MAPRE2: variants seen among roughly 807,000 people sequenced by gnomAD.
The protein encoded by MAPRE2 is microtubule-associated protein RP/EB family member 2.
A neutral mutation model predicts 43.2 loss-of-function variants in MAPRE2; 13 were observed. That is an observed-to-expected ratio of 0.30 (90% CI 0.20 to 0.48). The LOEUF (loss-of-function observed/expected upper bound fraction) is 0.48. Among genes scored for constraint, MAPRE2 ranks in the 20% least tolerant of loss-of-function variants. The probability of loss-of-function intolerance (pLI) is 0.99; values close to 1 mark genes in which losing one functional copy is unlikely to be tolerated. For missense variants in MAPRE2, 161 were observed against 400.2 expected, an observed-to-expected ratio of 0.40 and a Z score of 5.10; for synonymous variants, 135 against 148.8, an observed-to-expected ratio of 0.91 and a Z score of 0.68.
At chr18:35,120,439 C>T (rs928096269) in intron 4 of MAPRE2, among the ~76,000 whole-genome samples, 8 of 152,204 alleles carry the variant, frequency 5.3e-5, no homozygotes, top group Non-Finnish European at 7.3e-5. Flanking sequence ...CATCCCAGAA[C>T]CCTGTTAAAG....
intron 1 of MAPRE2, among the ~76,000 whole-genome samples, chr18:34,977,926 C>A (rs1019425938): frequency 2.6e-5 from 4 of 152,162 alleles, no homozygotes; most frequent in Non-Finnish European, 5.9e-5. Flanking sequence ...CTCGATAAAG[C>A]TGATTTTCAG....
At chr18:35,023,453 A>C (rs1375709484) in intron 2 of MAPRE2, among the ~76,000 whole-genome samples, 1 of 151,860 alleles carries the variant, frequency 6.6e-6, no homozygotes, top group African/African-American at 2.4e-5. Context: ...CAGAGCTTGC[A>C]GTGAGCAGAG....
At chr18:35,012,548 A>G (rs1055064471) in intron 2 of MAPRE2, among the ~76,000 whole-genome samples, 5 of 152,234 alleles carry the variant, frequency 3.3e-5, no homozygotes, top group African/African-American at 1.2e-4. Flanking sequence ...TATACATACA[A>G]TGGAATATTG....
intron 2 of MAPRE2, among the ~76,000 whole-genome samples, chr18:35,022,810 G>T (rs528652084): frequency 6.6e-6 from 1 of 152,178 alleles, no homozygotes; most frequent in Admixed American, 6.5e-5. Flanking sequence ...AGGAAAGGCT[G>T]CAAGAAAACA....
At chr18:35,025,225 T>G (rs1025671920) in intron 2 of MAPRE2, among the ~76,000 whole-genome samples, 1 of 152,224 alleles carries the variant, frequency 6.6e-6, no homozygotes, top group Non-Finnish European at 1.5e-5. Flanking sequence ...ACTTGTGGAA[T>G]GATTTACTTT....
chr18:35,024,125 T>C (rs548996618), intron 2 of MAPRE2, among the ~76,000 whole-genome samples: 30 of 152,256 alleles, frequency 2.0e-4, no homozygotes, highest in Non-Finnish European at 3.8e-4. Flanking sequence ...ATGCTGGCTC[T>C]ATCAGACACC....
At chr18:35,100,748 A>G (rs1336377493) in intron 3 of MAPRE2, among the ~76,000 whole-genome samples, 1 of 152,190 alleles carries the variant, frequency 6.6e-6, no homozygotes, top group East Asian at 1.9e-4. Flanking sequence ...AAGAAATTTA[A>G]AAAGTTTATC....
chr18:35,143,071 G>GAAAAAAAAGA lies in MAPRE2; in HGVS notation c.*2710_*2711insGAAAAAAAAA, dbSNP rs1910735031. ...ATATTTGTTCTAAGCAGAAAAGCAG[G>GAAAAAAAAGA]AAAAAAAAAAAAAAAAAAGAAAGAA... On this transcript the variant is annotated 3_prime_UTR_variant, in exon 7 of 7. Transcript: ENST00000300249. The GAAAAAAAAGA allele has an allele frequency of 7.9e-6, 1 of 126,518 alleles. No homozygotes were observed. The highest frequency in any genetic ancestry group is 1.6e-5 in the Non-Finnish European group (1 of 60,824). The allele number at this position is 126,518 out of a possible 1,614,324, so 7.8% of individuals were successfully genotyped here.
At chr18:35,128,019 C>T (rs780699758) in intron 5 of MAPRE2, among the ~76,000 whole-genome samples, 9 of 152,168 alleles carry the variant, frequency 5.9e-5, no homozygotes, top group Non-Finnish European at 1.0e-4. Flanking sequence ...TGTTCCCAGC[C>T]GCTCACTGGG....
Position 34,985,067 on chromosome 18 carries a change from A to T in MAPRE2, c.-70+7988A>T, listed in dbSNP as rs1190642186. ...ATAAAATATATTATATAATATATAA[A>T]ATAAAATATATTATAAAAATATATA... On this transcript the variant is annotated intron_variant, in intron 1 of 7. Transcript: ENST00000413393. Among the ~76,000 whole-genome samples, 402 of 89,080 alleles carry T rather than the reference A, an allele frequency of 4.5e-3. 3 individuals are homozygous for T. Among genetic ancestry groups the T allele is most frequent in the African/African-American group, 0.011 (240 of 20,944 alleles). The allele number at this position is 89,080 out of a possible 152,430, so 58.4% of individuals were successfully genotyped here. A position where few individuals can be genotyped will look rare whatever the true frequency, so the allele number is the denominator to read the frequency against.
At chr18:35,128,100 A>G (rs1008661876) in intron 5 of MAPRE2, among the ~76,000 whole-genome samples, 3 of 152,212 alleles carry the variant, frequency 2.0e-5, no homozygotes, top group African/African-American at 7.2e-5. Context: ...TGATAATTGT[A>G]TATTTGTAAT....
chr18:35,041,239 C>G, upstream of MAPRE2: 1 of 1,122,546 alleles, frequency 8.9e-7, no homozygotes, highest in Non-Finnish European at 1.2e-6. Context: ...CGGTGCCTGC[C>G]TGGAGCTGCT....
chr18:35,136,063 A>G (rs911800539), intron 6 of MAPRE2, among the ~76,000 whole-genome samples: 4 of 152,232 alleles, frequency 2.6e-5, no homozygotes, highest in Admixed American at 1.3e-4. Flanking sequence ...CCATCCCAGA[A>G]TATGGTGTTT....
intron 1 of MAPRE2, among the ~76,000 whole-genome samples, chr18:34,981,168 T>G (rs2097016002): frequency 6.8e-6 from 1 of 147,358 alleles, no homozygotes; most frequent in African/African-American, 2.5e-5. Flanking sequence ...AGGTCAGGAG[T>G]TCAAGACCAG....
chr18:34,986,225 G>T (rs985743301), intron 1 of MAPRE2, among the ~76,000 whole-genome samples: 1 of 152,106 alleles, frequency 6.6e-6, no homozygotes, highest in African/African-American at 2.4e-5. Context: ...TTAAAAGCTG[G>T]TAAAGGCTTT....
chr18:35,128,881 G>A (rs909987817), intron 5 of MAPRE2, among the ~76,000 whole-genome samples: 1 of 152,074 alleles, frequency 6.6e-6, no homozygotes, highest in Non-Finnish European at 1.5e-5. Context: ...CTTATAGCCT[G>A]AACCGCCCAG....
intron 2 of MAPRE2, among the ~76,000 whole-genome samples, chr18:35,071,082 T>C (rs1230461997): frequency 6.6e-6 from 1 of 152,230 alleles, no homozygotes; most frequent in Non-Finnish European, 1.5e-5. Flanking sequence ...AGGACAGGAC[T>C]GCGTTTTGTT....
intron 2 of MAPRE2, among the ~76,000 whole-genome samples, chr18:35,085,879 CAT>C (rs1457091029): frequency 1.3e-5 from 2 of 152,180 alleles, no homozygotes; most frequent in African/African-American, 4.8e-5. Flanking sequence ...CAAAGGCCAA[CAT>C]AGTTTTCTGT....
At chr18:35,065,698 C>T (rs1466750190) in intron 1 of MAPRE2, among the ~76,000 whole-genome samples, 1 of 152,074 alleles carries the variant, frequency 6.6e-6, no homozygotes, top group African/African-American at 2.4e-5. Flanking sequence ...GGACTACAGG[C>T]GCATGCCACC....
Sources: allele counts gnomAD v4.1 joint callset (sites outside exome capture counted in the v4.1 genomes callset), GRCh38; gene constraint gnomAD v4.1.1; transcripts MANE v1.5; gene names NCBI Gene and HGNC (gene_info 2026-07-23, HGNC 2026-07-21).